The following PHF20 variants were observed in gnomAD, a reference collection of about 807,000 sequenced individuals.
PHF20 encodes PHD finger protein 20.
PHF20 carries 23 observed loss-of-function variants against 113.5 expected under a neutral mutation model. That is an observed-to-expected ratio of 0.20 (90% confidence interval 0.15 to 0.29). PHF20 has a LOEUF of 0.29. Among genes scored for constraint, PHF20 ranks in the 10% least tolerant of loss-of-function variants. The pLI, the probability that PHF20 is intolerant of heterozygous loss-of-function variation, is 1.00. For synonymous variants in PHF20, 434 were observed against 457.3 expected (o/e 0.95, Z 0.65); for missense variants, 943 against 1,219.6 (o/e 0.77, Z 3.38).
chr20:35,870,375 G>C, intron 7 of PHF20, among the ~76,000 whole-genome samples: 1 of 151,872 alleles, frequency 6.6e-6, no homozygotes, highest in East Asian at 1.9e-4. Context: ...CAGCTACTTG[G>C]GAGGCTGAGG....
chr20:35,785,566 C>T (rs868285289), intron 1 of PHF20, among the ~76,000 whole-genome samples: 3 of 151,756 alleles, frequency 2.0e-5, no homozygotes, highest in Non-Finnish European at 2.9e-5. Context: ...GTGATCCTCC[C>T]GCCTCAGCCT....
At chr20:35,880,568 A>T (rs1360032929) in intron 9 of PHF20, among the ~76,000 whole-genome samples, 1 of 151,612 alleles carries the variant, frequency 6.6e-6, no homozygotes, top group South Asian at 2.1e-4. Flanking sequence ...ATTTGTTATT[A>T]AAAATGTTGT....
intron 2 of PHF20, among the ~76,000 whole-genome samples, chr20:35,819,669 TGTGTGTG>T (rs879530303): frequency 6.6e-6 from 1 of 152,116 alleles, no homozygotes; most frequent in South Asian, 2.1e-4. Flanking sequence ...TGTGTGTGTG[TGTGTGTG>T]TTTTTAAGCA....
At chr20:35,910,742 C>CCT (rs2055284218) in intron 10 of PHF20, among the ~76,000 whole-genome samples, 1 of 151,944 alleles carries the variant, frequency 6.6e-6, no homozygotes, top group African/African-American at 2.4e-5. Context: ...GATTCTCCTG[C>CCT]CTCAGCCTCC....
rs2041669709 is a variant in PHF20, at chr20:35,796,500, T to A, written c.-32-4991T>A. Among the ~76,000 whole-genome samples, 3 of 152,134 alleles carry A rather than the reference T, an allele frequency of 2.0e-5. No homozygotes were observed. In the South Asian group the frequency reaches 6.2e-4, roughly 32 times the overall value. On this transcript the variant is annotated intron_variant, in intron 1 of 17. Transcript: ENST00000374012. ...GCAGTTCCACAGGTTGTTCTTTGCTTCTAGATTAAGGTATAAAAAGATGGC... is the reference window on the plus strand; with the variant it reads ...GCAGTTCCACAGGTTGTTCTTTGCTACTAGATTAAGGTATAAAAAGATGGC...
rs780275666 is a variant in PHF20 at position 35,822,846 on chromosome 20, TAAAAAAAAAAAAAAA to T, written c.84-19714_84-19700del. On this transcript the variant is annotated intron_variant, in intron 2 of 17. Transcript: ENST00000374012. ...GGGTCACAGAGCAAGACCCTGCTTC[TAAAAAAAAAAAAAAA>T]AAAAAAAAAAAAGAATGTATCAAGT... is the stretch of plus-strand genomic sequence containing the variant. Among the ~76,000 whole-genome samples, 11 of 55,536 alleles carry T rather than the reference TAAAAAAAAAAAAAAA, an allele frequency of 2.0e-4. No homozygotes were observed. The East Asian group carries it at 4.2e-3, about 21-fold the overall frequency. 36.4% of individuals were successfully genotyped at this position (55,536 alleles called of 152,430 possible). A position where few individuals can be genotyped will look rare whatever the true frequency, so the allele number is the denominator to read the frequency against.
chr20:35,835,276 A>G (rs1010370307), intron 2 of PHF20, among the ~76,000 whole-genome samples: 1 of 151,980 alleles, frequency 6.6e-6, no homozygotes, highest in African/African-American at 2.4e-5. Flanking sequence ...TGCCATCTCA[A>G]AAAAAAAGAA....
At chr20:35,836,749 C>T (rs540992902) in intron 2 of PHF20, among the ~76,000 whole-genome samples, 4 of 147,142 alleles carry the variant, frequency 2.7e-5, no homozygotes, top group South Asian at 2.2e-4. Context: ...GAGGCTGAGG[C>T]GGGAGAATGG....
At chr20:35,837,045 C>T (rs1050938535) in intron 2 of PHF20, among the ~76,000 whole-genome samples, 8 of 151,854 alleles carry the variant, frequency 5.3e-5, no homozygotes, top group Non-Finnish European at 1.0e-4. Flanking sequence ...AGCATGGTGG[C>T]GTGAGCCTGT....
intron 13 of PHF20, among the ~76,000 whole-genome samples, chr20:35,919,500 C>T (rs367984968): frequency 8.5e-5 from 13 of 152,130 alleles, no homozygotes; most frequent in Non-Finnish European, 1.2e-4. Flanking sequence ...CCACCATGCC[C>T]GGCTAATTTT....
intron 16 of PHF20, 76 bp from the exon 17 acceptor site, chr20:35,940,788 C>T: frequency 8.1e-7 from 1 of 1,235,600 alleles, no homozygotes; most frequent in Non-Finnish European, 1.1e-6. Context: ...TTTCAGGTGG[C>T]TGGAAATGCT....
At chr20:35,806,353 G>A (rs907515812) in intron 2 of PHF20, among the ~76,000 whole-genome samples, 3 of 150,258 alleles carry the variant, frequency 2.0e-5, no homozygotes. Context: ...TGGAGATGAG[G>A]TTTCACTATG....
At chr20:35,904,257 C>G (rs1254621739) in intron 10 of PHF20, among the ~76,000 whole-genome samples, 1 of 150,984 alleles carries the variant, frequency 6.6e-6, no homozygotes, top group Non-Finnish European at 1.5e-5. Context: ...AAAAGTACCC[C>G]CTTTATGCTG....
intron 6 of PHF20, among the ~76,000 whole-genome samples, chr20:35,867,467 G>A (rs2054338555): frequency 6.6e-6 from 1 of 152,102 alleles, no homozygotes; most frequent in Non-Finnish European, 1.5e-5. Flanking sequence ...CACCATGTTG[G>A]CTATGCTAGT....
At chr20:35,783,256 A>G (rs567587684) in intron 1 of PHF20, among the ~76,000 whole-genome samples, 2 of 152,312 alleles carry the variant, frequency 1.3e-5, no homozygotes, top group East Asian at 3.9e-4. Flanking sequence ...TCCTGGCTTG[A>G]AGATTTATGA....
rs181640936 is a variant in PHF20, at chr20:35,834,377, G to A, written c.84-8196G>A. On this transcript the variant is annotated intron_variant, in intron 2 of 17. Coordinates refer to ENST00000374012, the MANE Select transcript of PHF20 (RefSeq NM_016436.5). The stretch of plus-strand genomic sequence containing the variant: ...AGCAATTCTCCTGCCTCAGCCTCTC[G>A]AGTAGCTGGGATTATAGGCATGCGC... Among the ~76,000 whole-genome samples, 43 of 150,418 alleles carry A rather than the reference G, an allele frequency of 2.9e-4. 1 individual carries two copies. In the East Asian group the frequency reaches 4.2e-3, roughly 15 times the overall value.
In PHF20 at chr20:35,863,148, A is replaced by G. The variant is rs377563371; in HGVS notation, c.556A>G (p.Lys186Glu). Residue 186 changes from lysine to glutamate, a missense_variant, in exon 6 of 18, where the codon AAG (lysine) becomes GAG (glutamate). Around this residue, in one of 3 missense-constraint regions of PHF20, gnomAD observed 592 missense variants for 787.2 expected, o/e 0.75. Transcript: ENST00000374012. Reference protein sequence around the residue: ...VKKDKEDKPLKTEKRPKQPDK... With the variant: ...VKKDKEDKPLETEKRPKQPDK... ...GAAAGACAAAGAAGATAAACCCTTA[A>G]AGACAGAAAAGCGACCCAAGCAGCC... 1.2e-6 allele frequency: 2 copies of G among 1,613,870 alleles called. No homozygotes were observed. The highest frequency in any genetic ancestry group is 2.7e-5 in the African/African-American group (2 of 74,898).
intron 9 of PHF20, among the ~76,000 whole-genome samples, chr20:35,882,244 G>C (rs368433754): frequency 1.3e-5 from 2 of 152,148 alleles, no homozygotes; most frequent in Non-Finnish European, 2.9e-5. Context: ...TATTACACTT[G>C]TGAAATTCTC....
chr20:35,936,895 T>C (rs2055875472), intron 15 of PHF20, among the ~76,000 whole-genome samples: 1 of 152,186 alleles, frequency 6.6e-6, no homozygotes. Context: ...CTTGAAGATA[T>C]TTATTCTGAG....
Sources: gnomAD v4.1 joint callset for allele counts (sites outside exome capture counted in the v4.1 genomes callset) on GRCh38, gnomAD v4.1.1 for gene constraint, gnomAD v4.1.1 regional missense constraint, MANE v1.5 for transcripts, NCBI Gene and HGNC (gene_info 2026-07-23, HGNC 2026-07-21) for gene names.